ZBTB46: variants seen among roughly 807,000 people sequenced by gnomAD.
The protein encoded by ZBTB46 is zinc finger and BTB domain containing 46, also known as zinc finger and BTB domain-containing protein 46.
A neutral mutation model predicts 44.1 loss-of-function variants in ZBTB46; 8 were observed. The ratio of observed to expected loss-of-function variants is 0.18; its 90% confidence interval spans 0.11 to 0.33. ZBTB46 has a LOEUF of 0.33. ZBTB46 is among the 10% of genes least tolerant of loss of function. The pLI, the probability that ZBTB46 is intolerant of heterozygous loss-of-function variation, is 1.00. For missense variants in ZBTB46, 651 were observed against 847.7 expected, an observed-to-expected ratio of 0.77 and a Z score of 2.88; for synonymous variants, 409 against 382.3, an observed-to-expected ratio of 1.07 and a Z score of -0.81.
intron 1 of ZBTB46, among the ~76,000 whole-genome samples, chr20:63,812,320 T>TAAC (rs763333050): frequency 1.4e-5 from 2 of 147,536 alleles, no homozygotes; most frequent in Non-Finnish European, 3.0e-5. Flanking sequence ...CCATCCTGGC[T>TAAC]AACATAGTGA....
In ZBTB46 at chr20:63,751,806, G is replaced by A. The variant is rs531402734; in HGVS notation, c.1398+880C>T. ...CCCCATGAAGCCCCGCCCCCGGTGG[G>A]TCTCCCCATGAAGCCCCGCCCCCCG... On this transcript the variant is annotated intron_variant, in intron 4 of 4. Coordinates refer to ENST00000245663, the MANE Select transcript of ZBTB46 (RefSeq NM_001369741.1). Among the ~76,000 whole-genome samples the A allele has an allele frequency of 4.7e-4, 65 of 138,642 alleles. 5 individuals are homozygous for A. In the South Asian group the frequency reaches 0.017, roughly 37 times the overall value. The allele number at this position is 138,642 out of a possible 152,430, so 91.0% of individuals were successfully genotyped here.
intron 1 of ZBTB46, among the ~76,000 whole-genome samples, chr20:63,817,112 AAAAAGAAAAG>A (rs3068852): frequency 6.0e-5 from 9 of 151,236 alleles, no homozygotes; most frequent in African/African-American, 1.9e-4. Flanking sequence ...TCTCAAAAAA[AAAAAGAAAAG>A]AAAAGAAAAG....
At chr20:63,774,716 T>G (rs2092407851) in intron 3 of ZBTB46, among the ~76,000 whole-genome samples, 1 of 128,094 alleles carries the variant, frequency 7.8e-6, no homozygotes. Flanking sequence ...TTTTGTTTTT[T>G]TTTTTGAGAC....
Position 63,747,164 on chromosome 20 carries a change from G to A in ZBTB46, c.1536C>T (p.Pro512=). 1.9e-6 allele frequency: 3 copies of A among 1,609,776 alleles called. No homozygotes were observed. Among genetic ancestry groups the A allele is most frequent in the Non-Finnish European group, 2.5e-6 (3 of 1,178,632 alleles). Reference sequence around the variant, plus strand: ...CGCCGCCTCCGCCGCCATGGTCCAGGGGCCCGGCCATGCCGCGGCCAGCAC... The same window carrying A: ...CGCCGCCTCCGCCGCCATGGTCCAGAGGCCCGGCCATGCCGCGGCCAGCAC... ...TDCAGRGMAG[P]LDHGGGGGEG... Residue 512 remains proline, a synonymous_variant, in exon 5 of 5, where the codon CCC becomes CCT. Coordinates refer to ENST00000245663, the MANE Select transcript of ZBTB46 (RefSeq NM_001369741.1).
At chr20:63,798,518 T>C (rs2092619954) in intron 1 of ZBTB46, among the ~76,000 whole-genome samples, 1 of 151,334 alleles carries the variant, frequency 6.6e-6, no homozygotes, top group South Asian at 2.1e-4. Context: ...CTACTAAAAA[T>C]ACAAAAATTA....
intron 2 of ZBTB46, among the ~76,000 whole-genome samples, chr20:63,781,565 C>T (rs182563718): frequency 2.6e-5 from 4 of 152,268 alleles, no homozygotes; most frequent in Admixed American, 2.0e-4. Context: ...CCGAGGCAGG[C>T]GGATCACCTG....
chr20:63,807,777 C>T (rs1402144792), intron 1 of ZBTB46, among the ~76,000 whole-genome samples: 2 of 152,284 alleles, frequency 1.3e-5, no homozygotes, highest in Non-Finnish European at 2.9e-5. Flanking sequence ...CTGTGTGAGG[C>T]AGCGGGTCTG....
intron 1 of ZBTB46, among the ~76,000 whole-genome samples, chr20:63,792,980 G>A (rs2092573037): frequency 6.6e-6 from 1 of 152,190 alleles, no homozygotes; most frequent in Admixed American, 6.5e-5. Context: ...AGCCGGTGTT[G>A]CCTGCCGGGA....
chr20:63,774,628 G>C (rs1004977932), intron 3 of ZBTB46, among the ~76,000 whole-genome samples: 4 of 151,700 alleles, frequency 2.6e-5, no homozygotes, highest in African/African-American at 9.7e-5. Flanking sequence ...ACCAGGCCTT[G>C]CCCGGGGGCC....
intron 1 of ZBTB46, among the ~76,000 whole-genome samples, chr20:63,830,261 A>C (rs1274857635): frequency 6.6e-6 from 1 of 152,168 alleles, no homozygotes; most frequent in East Asian, 1.9e-4. Context: ...CCTCTGGCGC[A>C]GAGAATTCCC....
At position 63,752,671 on chromosome 20, in the gene ZBTB46, C is replaced by T; in HGVS notation, c.1398+15G>A. The T allele has an allele frequency of 1.3e-6, 2 of 1,532,732 alleles. No homozygotes were observed. Among genetic ancestry groups the T allele is most frequent in the South Asian group, 1.2e-5 (1 of 83,148 alleles). The allele number at this position is 1,532,732 out of a possible 1,614,324, so 94.9% of individuals were successfully genotyped here. A position where few individuals can be genotyped will look rare whatever the true frequency, so the allele number is the denominator to read the frequency against. On this transcript the variant is annotated intron_variant, in intron 4 of 4. Coordinates refer to ENST00000245663, the MANE Select transcript of ZBTB46 (RefSeq NM_001369741.1). The surrounding 1 kb of genome is among the most constrained non-coding windows in gnomAD (Gnocchi z 5.6). ...CACGCGCAGCGCGCGGCACGCGGACCCTCCCCGCACTCACCAGCGTGTGGC... is the reference window on the plus strand; with the variant it reads ...CACGCGCAGCGCGCGGCACGCGGACTCTCCCCGCACTCACCAGCGTGTGGC...
At chr20:63,812,519 A>G (rs1225457139) in intron 1 of ZBTB46, among the ~76,000 whole-genome samples, 1 of 147,534 alleles carries the variant, frequency 6.8e-6, no homozygotes, top group African/African-American at 2.5e-5. Context: ...GTGCGCGCCT[A>G]TAATCCCAGT....
intron 1 of ZBTB46, among the ~76,000 whole-genome samples, chr20:63,794,208 T>C (rs2092583561): frequency 6.6e-6 from 1 of 151,492 alleles, no homozygotes; most frequent in African/African-American, 2.4e-5. Flanking sequence ...AAAAAAAAGT[T>C]ATCTATCCAC....
chr20:63,809,144 C>G lies in ZBTB46; in HGVS notation c.-33-18354G>C, dbSNP rs1457638806. 4.6e-5 allele frequency among the ~76,000 whole-genome samples: 7 copies of G among 152,160 alleles called. No individual in the cohort carries two copies. The South Asian group carries it at 1.5e-3, about 32-fold the overall frequency. ...ACGTTCCCCTTCGCAGGGACCGCAG[C>G]GCCTGGGGCACTTCGCCATGGGCTT... On this transcript the variant is annotated intron_variant, in intron 1 of 4. Transcript: ENST00000245663.
chr20:63,790,947 G>T, intron 1 of ZBTB46, 157 bp from the exon 2 acceptor site: 1 of 1,078,812 alleles, frequency 9.3e-7, no homozygotes, highest in Non-Finnish European at 1.3e-6. Context: ...CGGGAGGCCT[G>T]TGTCTCCGCC....
chr20:63,754,533 C>T (rs966815126), intron 3 of ZBTB46, among the ~76,000 whole-genome samples: 1 of 152,030 alleles, frequency 6.6e-6, no homozygotes, highest in East Asian at 1.9e-4. Context: ...TGGGCTCAAG[C>T]GATCCTCCCG....
chr20:63,750,747 G>A (rs573972644), intron 4 of ZBTB46, among the ~76,000 whole-genome samples: 1 of 152,034 alleles, frequency 6.6e-6, no homozygotes, highest in African/African-American at 2.4e-5. Context: ...ACCACAAAAC[G>A]CAAAAATTAG....
intron 1 of ZBTB46, among the ~76,000 whole-genome samples, chr20:63,797,003 T>C (rs1213590068): frequency 6.6e-6 from 1 of 151,902 alleles, no homozygotes; most frequent in Non-Finnish European, 1.5e-5. Context: ...AACCCGGTTT[T>C]TGTTTTTGTT....
chr20:63,774,577 T>C (rs555967174), intron 3 of ZBTB46, among the ~76,000 whole-genome samples: 39 of 152,170 alleles, frequency 2.6e-4, no homozygotes, highest in African/African-American at 9.4e-4. Flanking sequence ...TCACTCACTC[T>C]CAGCCGCATG....
Sources: allele counts gnomAD v4.1 joint callset (sites outside exome capture counted in the v4.1 genomes callset), GRCh38; gene constraint gnomAD v4.1.1; non-coding constraint Gnocchi (gnomAD v3.1); transcripts MANE v1.5; gene names NCBI Gene and HGNC (gene_info 2026-07-23, HGNC 2026-07-21).